Variants in SH2B1 observed in about 807,000 individuals in gnomAD.
The protein encoded by SH2B1 is SH2B adapter protein 1.
Under a neutral mutation model 62.6 loss-of-function variants are expected in SH2B1, and 15 were observed. The observed-to-expected ratio is 0.24, with a 90% CI of 0.16 to 0.37. The LOEUF is 0.37. SH2B1 is among the 10% of genes least tolerant of loss of function. SH2B1 has a pLI of 1.00. For synonymous variants in SH2B1, 443 were observed against 438.0 expected (o/e 1.01, Z -0.14); for missense variants, 925 against 1,015.6 (o/e 0.91, Z 1.21).
chr16:28,852,757 TGTATATATATA>T (rs1962182616), intron 1 of SH2B1, among the ~76,000 whole-genome samples: 10 of 33,164 alleles, frequency 3.0e-4, no homozygotes, highest in South Asian at 2.2e-3. Context: ...TACATATATA[TGTATATATATA>T]TTTATATATA....
Position 28,851,906 on chromosome 16 carries a change from A to C in SH2B1, c.-301+5079A>C, listed in dbSNP as rs530032164. On this transcript the variant is annotated intron_variant, in intron 1 of 10. Transcript: ENST00000322610. ...ACATGGTGAAACTCCGTCTCTATTAAAAATACAAAAAATAGTTGGGCATGG... is the reference window on the plus strand; with the variant it reads ...ACATGGTGAAACTCCGTCTCTATTACAAATACAAAAAATAGTTGGGCATGG... Among the ~76,000 whole-genome samples, 36 of 150,350 alleles carry C rather than the reference A, an allele frequency of 2.4e-4. No individual in the cohort carries two copies. In the South Asian group the frequency reaches 4.4e-3, roughly 18 times the overall value.
At chr16:28,852,287 T>C (rs1188962737) in intron 1 of SH2B1, among the ~76,000 whole-genome samples, 2 of 89,814 alleles carry the variant, frequency 2.2e-5, no homozygotes, top group Non-Finnish European at 2.0e-5. Context: ...TATATATATT[T>C]ACATATATAT....
chr16:28,861,042 T>C (rs1567462804), upstream of SH2B1, among the ~76,000 whole-genome samples: 1 of 152,126 alleles, frequency 6.6e-6, no homozygotes, highest in South Asian at 2.1e-4. Context: ...GGTCTCAAAC[T>C]CCTGACCTCA....
chr16:28,853,137 TATATAA>T (rs1482484807), intron 1 of SH2B1, among the ~76,000 whole-genome samples: 6 of 132,134 alleles, frequency 4.5e-5, no homozygotes, highest in South Asian at 4.4e-4. Flanking sequence ...TGTATACATT[TATATAA>T]ATATATATAA....
At chr16:28,849,158 T>C (rs1411914529) in intron 1 of SH2B1, among the ~76,000 whole-genome samples, 1 of 152,132 alleles carries the variant, frequency 6.6e-6, no homozygotes, top group Non-Finnish European at 1.5e-5. Context: ...GGCTGGAGCA[T>C]AGTAGGGCAG....
At chr16:28,852,749 CATATATATGTATATATATATTTAT>C (rs1962181640) in intron 1 of SH2B1, among the ~76,000 whole-genome samples, 1 of 37,608 alleles carries the variant, frequency 2.7e-5, no homozygotes, top group Non-Finnish European at 4.1e-5. Context: ...TATATATTTA[CATATATATGTATATATATATTTAT>C]ATATATATTT....
At chr16:28,869,502 C>T in intron 4 of SH2B1, 119 bp downstream of exon 4, 1 of 857,748 alleles carries the variant, frequency 1.2e-6, no homozygotes, top group Non-Finnish European at 1.8e-6. Flanking sequence ...TCCAGATGCC[C>T]TACCCCAACC....
chr16:28,863,284 C>T (rs1427229981), upstream of SH2B1: 2 of 166,856 alleles, frequency 1.2e-5, no homozygotes, highest in Non-Finnish European at 2.6e-5. Flanking sequence ...CCATCTTCAT[C>T]TCCAGCCTCA....
chr16:28,862,396 G>A (rs1248953849), upstream of SH2B1: 1 of 152,144 alleles, frequency 6.6e-6, no homozygotes, highest in Non-Finnish European at 1.5e-5. Context: ...TGGGGTTCAA[G>A]TGATTCTTCT....
Position 28,872,528 on chromosome 16 carries a change from C to G in SH2B1, c.1726-6C>G, listed in dbSNP as rs772717878. 3 of 1,607,940 alleles carry G rather than the reference C, an allele frequency of 1.9e-6. No homozygotes were observed. In the African/African-American group the frequency reaches 4.0e-5, roughly 21 times the overall value. ...TCCTACCTCACCTCCCCCATCCCGC[C>G]CTCAGCACCTGCGTTTGTCGCTGAA... On this transcript the variant is annotated splice_polypyrimidine_tract_variant and splice_region_variant and intron_variant, in intron 6 of 7. Coordinates refer to ENST00000684370, the MANE Select transcript of SH2B1 (RefSeq NM_001387430.1). This position sits in a 1 kb window ranked among gnomAD's most constrained non-coding sequence, Gnocchi z 5.3.
upstream of SH2B1, chr16:28,863,530 C>A (rs992443095): frequency 2.2e-5 from 16 of 737,272 alleles, no homozygotes; most frequent in Admixed American, 5.9e-5. Context: ...TACTCTAGCC[C>A]TCAGCCGGGC....
chr16:28,867,779 C>T (rs1962804096), intron 2 of SH2B1, among the ~76,000 whole-genome samples: 1 of 152,140 alleles, frequency 6.6e-6, no homozygotes. Flanking sequence ...CTGCCTCAGC[C>T]CTCTAAGGAG....
At position 28,865,386 on chromosome 16, in the gene SH2B1, C is replaced by T. The variant is rs374805884; in HGVS notation, c.-709C>T. ...ATCCATCCTCATTAATGAATCGGCC[C>T]CCTCCAAAGAGTTGGACCCTAAGAT... On this transcript the variant is annotated 5_prime_UTR_variant, in exon 1 of 8. Coordinates refer to ENST00000684370, the MANE Select transcript of SH2B1 (RefSeq NM_001387430.1). 1.4e-5 allele frequency: 14 copies of T among 985,670 alleles called. No individual in the cohort carries two copies. The East Asian group carries it at 4.5e-4, about 31-fold the overall frequency. The allele number at this position is 985,670 out of a possible 1,614,324, so 61.1% of individuals were successfully genotyped here.
In SH2B1 at chr16:28,869,372, G is replaced by A. The variant is rs139482254; in HGVS notation, c.1298G>A (p.Arg433His). The change falls in exon 4 of 8, where the codon CGC becomes CAC. Residue 433 changes from arginine to histidine, a missense_variant. Physicochemically the swap from Arg to His is conservative, Grantham distance 29. Around this residue, in one of 3 missense-constraint regions of SH2B1, gnomAD observed 683 missense variants for 704.0 expected, o/e 0.97. Coordinates refer to ENST00000684370, the MANE Select transcript of SH2B1 (RefSeq NM_001387430.1). ...CTTGGACCCAGCGAGAGCAATGACC[G>A]CCTGTCGCAGGGTAAGGGTGGAGCC... Reference protein sequence around the residue: ...LLLGPSESNDRLSQGAYGGLS... With the variant: ...LLLGPSESNDHLSQGAYGGLS... The A allele has an allele frequency of 1.5e-5, 25 of 1,613,404 alleles. No individual in the cohort carries two copies. Among genetic ancestry groups the A allele is most frequent in the Non-Finnish European group, 2.0e-5 (24 of 1,179,774 alleles).
chr16:28,847,816 CTTT>C (rs34950443), intron 1 of SH2B1, among the ~76,000 whole-genome samples: 30 of 84,240 alleles, frequency 3.6e-4, no homozygotes, highest in African/African-American at 1.5e-3. Context: ...AAGACCCCAT[CTTT>C]TTTTTTTTTT....
At chr16:28,853,890 A>G (rs1042869411) in intron 1 of SH2B1, among the ~76,000 whole-genome samples, 1 of 149,552 alleles carries the variant, frequency 6.7e-6, no homozygotes, top group Admixed American at 6.8e-5. Context: ...AGTCCCAGCT[A>G]CTCGGGAGGC....
In SH2B1 at chr16:28,873,153, G is replaced by A. The variant is rs1963138583; in HGVS notation, c.1898-294G>A. On this transcript the variant is annotated intron_variant, in intron 7 of 7. Coordinates refer to ENST00000684370, the MANE Select transcript of SH2B1 (RefSeq NM_001387430.1). This position sits in a 1 kb window ranked among gnomAD's most constrained non-coding sequence, Gnocchi z 4.2. ...GCCCCACCGTCCCATCTGTCCCCAC[G>A]TTGCCCCTCCCCCCAGGCCGGGAGC... The A allele has an allele frequency of 2.6e-6, 4 of 1,532,256 alleles. No individual in the cohort carries two copies. Among genetic ancestry groups the A allele is most frequent in the Middle Eastern group, 1.7e-4 (1 of 5,790 alleles). 94.9% of individuals were successfully genotyped at this position (1,532,256 alleles called of 1,614,324 possible).
intron 1 of SH2B1, among the ~76,000 whole-genome samples, chr16:28,849,586 G>C (rs1012460395): frequency 3.3e-5 from 5 of 152,084 alleles, no homozygotes; most frequent in African/African-American, 1.2e-4. Context: ...TAATAATCAA[G>C]TTTTTAAAAA....
rs1484018845 is a variant in SH2B1 at position 28,852,529 on chromosome 16, TAC to T, written c.-301+5706_-301+5707del. ...ATATATACACATATATTTATATATA[TAC>T]ACATATATTTATATATATACACATA... On this transcript the variant is annotated intron_variant, in intron 1 of 10. Transcript: ENST00000322610. Among the ~76,000 whole-genome samples the T allele has an allele frequency of 2.2e-3, 122 of 54,448 alleles. 51 individuals are homozygous for T. Among genetic ancestry groups the T allele is most frequent in the East Asian group, 7.9e-3 (11 of 1,390 alleles). The allele number at this position is 54,448 out of a possible 152,430, so 35.7% of individuals were successfully genotyped here.
Sources: allele counts gnomAD v4.1 joint callset (sites outside exome capture counted in the v4.1 genomes callset), GRCh38; gene constraint gnomAD v4.1.1; regional missense constraint gnomAD v4.1.1; non-coding constraint Gnocchi (gnomAD v3.1); transcripts MANE v1.5; gene names NCBI Gene and HGNC (gene_info 2026-07-23, HGNC 2026-07-21).